Variants in ARFIP1 observed in about 807,000 individuals in gnomAD.
ARFIP1 encodes arfaptin-1.
ARFIP1 carries 24 observed loss-of-function variants against 42.5 expected under a neutral mutation model. That is an observed-to-expected ratio of 0.57 (90% CI 0.41 to 0.80). ARFIP1 has a LOEUF of 0.80. ARFIP1 is among the 30% of genes least tolerant of loss of function. ARFIP1 has a pLI of 0.00. For missense variants in ARFIP1, 354 were observed against 434.0 expected (o/e 0.82, Z 1.64); for synonymous variants, 141 against 153.7 (o/e 0.92, Z 0.61).
intron 8 of ARFIP1, among the ~76,000 whole-genome samples, chr4:152,895,469 C>T (rs1737228756): frequency 6.7e-6 from 1 of 149,700 alleles, no homozygotes. Context: ...TTACTGTAGT[C>T]TTGAACTCCT....
intron 2 of ARFIP1, among the ~76,000 whole-genome samples, chr4:152,843,770 C>T (rs1489448736): frequency 6.6e-6 from 1 of 152,108 alleles, no homozygotes; most frequent in Admixed American, 6.5e-5. Flanking sequence ...CCACTGTGCC[C>T]CCACCAACAG....
At chr4:152,813,798 G>T (rs1490965351) in intron 1 of ARFIP1, among the ~76,000 whole-genome samples, 1 of 152,050 alleles carries the variant, frequency 6.6e-6, no homozygotes, top group Non-Finnish European at 1.5e-5. Context: ...TTTTCTTCAA[G>T]CAATTATGTG....
intron 1 of ARFIP1, among the ~76,000 whole-genome samples, chr4:152,805,436 C>T (rs1728926318): frequency 6.6e-6 from 1 of 152,212 alleles, no homozygotes; most frequent in South Asian, 2.1e-4. Flanking sequence ...GGCATCATTG[C>T]TTAACACTGG....
At chr4:152,843,442 G>A (rs1315923841) in intron 2 of ARFIP1, among the ~76,000 whole-genome samples, 1 of 152,154 alleles carries the variant, frequency 6.6e-6, no homozygotes, top group African/African-American at 2.4e-5. Flanking sequence ...CTGTAGTAAT[G>A]TGGAGAGGGA....
At chr4:152,813,915 A>G (rs561725197) in intron 1 of ARFIP1, among the ~76,000 whole-genome samples, 2 of 152,050 alleles carry the variant, frequency 1.3e-5, no homozygotes, top group South Asian at 4.1e-4. Context: ...TTTTCTGAAA[A>G]TCCACCTTTC....
chr4:152,832,099 T>C lies in ARFIP1; in HGVS notation c.93+2373T>C, dbSNP rs547351672. ...TGTGACCATTCTTGTGCAGATTTTT[T>C]GGTGTACTTGATTATTTGTTTTTAT... On this transcript the variant is annotated intron_variant, in intron 2 of 8. Transcript: ENST00000353617. Among the ~76,000 whole-genome samples the C allele has an allele frequency of 6.6e-5, 10 of 152,320 alleles. No homozygotes were observed. In the East Asian group the frequency reaches 1.9e-3, roughly 29 times the overall value.
chr4:152,821,495 A>T (rs1730363691), intron 1 of ARFIP1, among the ~76,000 whole-genome samples: 1 of 152,314 alleles, frequency 6.6e-6, no homozygotes, highest in Admixed American at 6.5e-5. Flanking sequence ...ATAGGGAATT[A>T]TACAAAATGG....
At chr4:152,854,006 G>A (rs1335676905) in intron 2 of ARFIP1, among the ~76,000 whole-genome samples, 1 of 134,942 alleles carries the variant, frequency 7.4e-6, no homozygotes, top group Non-Finnish European at 1.5e-5. Flanking sequence ...TCCACCTCCC[G>A]AGTTCAAGCA....
intron 2 of ARFIP1, among the ~76,000 whole-genome samples, chr4:152,854,821 C>G (rs1733291889): frequency 6.6e-6 from 1 of 152,208 alleles, no homozygotes; most frequent in Non-Finnish European, 1.5e-5. Flanking sequence ...AGATAGGTCA[C>G]TCTTTGGGCC....
intron 1 of ARFIP1, among the ~76,000 whole-genome samples, chr4:152,802,569 A>G (rs931863174): frequency 6.6e-6 from 1 of 152,170 alleles, no homozygotes; most frequent in Non-Finnish European, 1.5e-5. Flanking sequence ...TTATTATACC[A>G]CTTTGTTTTT....
chr4:152,870,111 G>C (rs1025093133), intron 3 of ARFIP1, among the ~76,000 whole-genome samples: 5 of 152,190 alleles, frequency 3.3e-5, no homozygotes, highest in Non-Finnish European at 7.3e-5. Context: ...TGAAAATGTA[G>C]GTTTGGGTTC....
intron 2 of ARFIP1, among the ~76,000 whole-genome samples, chr4:152,842,827 CT>C (rs1206533904): frequency 2.7e-5 from 4 of 150,716 alleles, no homozygotes; most frequent in Non-Finnish European, 3.0e-5. Context: ...TTTCTTATGT[CT>C]TTTTTTTTGG....
intron 8 of ARFIP1, among the ~76,000 whole-genome samples, chr4:152,893,017 TCAAAA>T (rs1736994876): frequency 6.6e-6 from 1 of 152,212 alleles, no homozygotes; most frequent in African/African-American, 2.4e-5. Context: ...CTTTCAGAGT[TCAAAA>T]CAAAACATAG....
intron 2 of ARFIP1, among the ~76,000 whole-genome samples, chr4:152,848,298 A>G (rs1732723171): frequency 6.6e-6 from 1 of 152,176 alleles, no homozygotes; most frequent in Non-Finnish European, 1.5e-5. Context: ...TTACTACCAA[A>G]GAGGGCCTTT....
chr4:152,856,549 C>T (rs767569756), intron 2 of ARFIP1, among the ~76,000 whole-genome samples: 3 of 152,008 alleles, frequency 2.0e-5, no homozygotes, highest in Non-Finnish European at 4.4e-5. Flanking sequence ...TTAAAGTATA[C>T]GGGGAGGATG....
At chr4:152,814,710 G>C in intron 1 of ARFIP1, among the ~76,000 whole-genome samples, 1 of 152,154 alleles carries the variant, frequency 6.6e-6, no homozygotes, top group East Asian at 1.9e-4. Flanking sequence ...AATAAGGTAA[G>C]ATAAGGTAAG....
chr4:152,783,884 A>G (rs1410490966), intron 1 of ARFIP1, among the ~76,000 whole-genome samples: 2 of 152,084 alleles, frequency 1.3e-5, no homozygotes, highest in Non-Finnish European at 2.9e-5. Context: ...TGAAATAAAG[A>G]ATTGTAAGTA....
Position 152,912,001 on chromosome 4 carries a change from AG to A in ARFIP1, c.*1784del, listed in dbSNP as rs1204187211. 1 of 152,604 alleles carries A rather than the reference AG, an allele frequency of 6.6e-6. No individual in the cohort carries two copies. Among genetic ancestry groups the A allele is most frequent in the African/African-American group, 2.4e-5 (1 of 41,458 alleles). 9.5% of individuals were successfully genotyped at this position (152,604 alleles called of 1,614,324 possible). A position where few individuals can be genotyped will look rare whatever the true frequency, so the allele number is the denominator to read the frequency against. Reference sequence around the variant, plus strand: ...TGCGTTTTCTGAACCTTAAAAAAAAAGGTACTTCTGTCACTTATAATTGTTT... The same window carrying A: ...TGCGTTTTCTGAACCTTAAAAAAAAAGTACTTCTGTCACTTATAATTGTTT... On this transcript the variant is annotated 3_prime_UTR_variant, in exon 9 of 9. Coordinates refer to ENST00000353617, the MANE Select transcript of ARFIP1 (RefSeq NM_001025595.3).
chr4:152,835,166 A>G (rs1731552058), intron 2 of ARFIP1, among the ~76,000 whole-genome samples: 1 of 152,208 alleles, frequency 6.6e-6, no homozygotes. Context: ...GCTGCTCCAC[A>G]GTCTGCTCGG....
Sources: gnomAD v4.1 joint callset for allele counts (sites outside exome capture counted in the v4.1 genomes callset) on GRCh38, gnomAD v4.1.1 for gene constraint, MANE v1.5 for transcripts, NCBI Gene and HGNC (gene_info 2026-07-23, HGNC 2026-07-21) for gene names.